DSC1: variants seen among roughly 807,000 people sequenced by gnomAD.
DSC1 encodes desmocollin-1.
A neutral mutation model predicts 98.8 loss-of-function variants in DSC1; 79 were observed. The ratio of observed to expected loss-of-function variants is 0.80; its 90% CI spans 0.67 to 0.96. The LOEUF is 0.96. DSC1 is among the 50% of genes least tolerant of loss of function. The probability of loss-of-function intolerance (pLI) is 0.00; values close to 1 mark genes in which losing one functional copy is unlikely to be tolerated. For synonymous variants in DSC1, 405 were observed against 372.1 expected (o/e 1.09, Z -1.02); for missense variants, 1,115 against 1,075.9 (o/e 1.04, Z -0.51).
chr18:31,142,169 C>T lies in DSC1; in HGVS notation c.1090G>A (p.Glu364Lys), dbSNP rs768858954. The T allele has an allele frequency of 1.2e-6, 2 of 1,611,986 alleles. No individual in the cohort carries two copies. Among genetic ancestry groups the T allele is most frequent in the African/African-American group, 1.3e-5 (1 of 74,790 alleles). Residue 364 changes from glutamate to lysine, a missense_variant, in exon 9 of 16, where the codon GAA (glutamate) becomes AAA (lysine). By Grantham distance (56) the Glu-to-Lys change is moderately conservative (BLOSUM62 1). Coordinates refer to ENST00000257198, the MANE Select transcript of DSC1 (RefSeq NM_024421.2). Reference protein sequence around the residue: ...FTETSYVTEVEENRIDVEILR... With the variant: ...FTETSYVTEVKENRIDVEILR... Reference sequence around the variant, plus strand: ...ATCTCCACGTCAATTCTGTTTTCTTCTACTTCTGTAACATACTGAAAGAAT... The same window carrying T: ...ATCTCCACGTCAATTCTGTTTTCTTTTACTTCTGTAACATACTGAAAGAAT...
At chr18:31,145,926 C>G (rs1274004874) in intron 6 of DSC1, 149 bp from the exon 7 acceptor site, 4 of 871,086 alleles carry the variant, frequency 4.6e-6, no homozygotes, top group Non-Finnish European at 6.9e-6. Flanking sequence ...TGAAACTGTT[C>G]TAAATGTCTC....
chr18:31,155,046 TTTC>T, intron 4 of DSC1, 117 bp from the exon 5 acceptor site: 1 of 1,223,176 alleles, frequency 8.2e-7, no homozygotes, highest in Non-Finnish European at 1.1e-6. Context: ...CTATTCTTTC[TTTC>T]TTCTGCTTAG....
At chr18:31,162,421 T>G (rs189947592) in intron 1 of DSC1, 111 bp downstream of exon 1, 1 of 1,000,690 alleles carries the variant, frequency 1.0e-6, no homozygotes, top group East Asian at 2.4e-5. Flanking sequence ...TTTTCCCCAA[T>G]CTCTCTTCTC....
At position 31,129,946 on chromosome 18, in the gene DSC1, A is replaced by T. The variant is rs534412579; in HGVS notation, c.*568T>A. 6.5e-6 allele frequency: 1 copy of T among 152,850 alleles called. No individual in the cohort carries two copies. The highest frequency in any genetic ancestry group is 2.4e-5 in the African/African-American group (1 of 41,578). 9.5% of individuals were successfully genotyped at this position (152,850 alleles called of 1,614,324 possible). ...GCTCTGAAGGATCCTGAAAGAAAACAATGCTGGGAGCACTGCTCTGAGGAG... is the reference window on the plus strand; with the variant it reads ...GCTCTGAAGGATCCTGAAAGAAAACTATGCTGGGAGCACTGCTCTGAGGAG... On this transcript the variant is annotated 3_prime_UTR_variant, in exon 16 of 16. Transcript: ENST00000257198.
intron 11 of DSC1, among the ~76,000 whole-genome samples, chr18:31,136,794 G>T (rs935900558): frequency 1.3e-5 from 2 of 152,150 alleles, no homozygotes; most frequent in African/African-American, 2.4e-5. Context: ...CAGGCCACAG[G>T]TTGGACAAGC....
At chr18:31,152,440 T>G (rs924233476) in intron 5 of DSC1, among the ~76,000 whole-genome samples, 1 of 152,184 alleles carries the variant, frequency 6.6e-6, no homozygotes, top group African/African-American at 2.4e-5. Context: ...ATAAAAATAA[T>G]CTATTATTAA....
rs746783977 is a variant in DSC1 at position 31,162,562 on chromosome 18, G to A, written c.33C>T (p.Ile11=). The A allele has an allele frequency of 1.2e-6, 2 of 1,614,168 alleles. No individual in the cohort carries two copies. The highest frequency in any genetic ancestry group is 2.2e-5 in the South Asian group (2 of 91,082). The change falls in exon 1 of 16, where the codon ATC becomes ATT. Residue 11 remains isoleucine, a synonymous_variant. Coordinates refer to ENST00000257198, the MANE Select transcript of DSC1 (RefSeq NM_024421.2). ...GAGAGAAAAGGAGCTGCTTACAGAA[G>A]ATGCTCCCTGGGGCAGCAGAGGCCA... The part of the protein sequence containing the change: MALASAAPGS[I]FCKQLLFSLL...
At position 31,139,756 on chromosome 18, in the gene DSC1, A is replaced by T. The variant is rs764323087; in HGVS notation, c.1655T>A (p.Val552Glu). ...TAGAAAATGGCACTCACCTGCATCC[A>T]CTGCAACAACTGAAATATTGTATTG... ...NNQYNISVVA[V>E]DAVGRSCTGT... The change falls in exon 11 of 16, where the codon GTG (valine) becomes GAG (glutamate). Residue 552 changes from valine (V) to glutamate (E), a missense_variant. Coordinates refer to ENST00000257198, the MANE Select transcript of DSC1 (RefSeq NM_024421.2). 10 of 1,599,586 alleles carry T rather than the reference A, an allele frequency of 6.3e-6. No homozygotes were observed. Among genetic ancestry groups the T allele is most frequent in the Non-Finnish European group, 8.5e-7 (1 of 1,174,988 alleles).
intron 9 of DSC1, among the ~76,000 whole-genome samples, chr18:31,141,254 A>T (rs1220738521): frequency 6.6e-6 from 1 of 152,226 alleles, no homozygotes; most frequent in Non-Finnish European, 1.5e-5. Flanking sequence ...GAACAAGAAA[A>T]GAAAAAGAAA....
At chr18:31,135,498 C>T (rs1988591966) in intron 11 of DSC1, among the ~76,000 whole-genome samples, 1 of 152,134 alleles carries the variant, frequency 6.6e-6, no homozygotes, top group African/African-American at 2.4e-5. Flanking sequence ...CTAACTATAA[C>T]TTAATACTGA....
chr18:31,134,178 C>CAGA (rs1988557436), intron 12 of DSC1, 48 bp from the exon 13 acceptor site: 1 of 1,564,720 alleles, frequency 6.4e-7, no homozygotes, highest in Non-Finnish European at 8.6e-7. Flanking sequence ...GTTTAGATGG[C>CAGA]AGTATTATTC....
chr18:31,133,191 T>C (rs923634837), intron 13 of DSC1, among the ~76,000 whole-genome samples: 4 of 151,940 alleles, frequency 2.6e-5, no homozygotes, highest in African/African-American at 7.3e-5. Context: ...GAAAAGTTTG[T>C]AAATGCAAAT....
chr18:31,152,687 A>G (rs970124391), intron 5 of DSC1, among the ~76,000 whole-genome samples: 1 of 152,068 alleles, frequency 6.6e-6, no homozygotes, highest in Admixed American at 6.5e-5. Flanking sequence ...AAGAAAGCGA[A>G]CTCTAGGAGG....
At position 31,140,316 on chromosome 18, in the gene DSC1, T is replaced by C; in HGVS notation, c.1261-15A>G. ...TAGTTCAATGGCTGTTAAATAAGCA[T>C]ACTTTAATAAGTCAATATATAACAT... On this transcript the variant is annotated splice_polypyrimidine_tract_variant and intron_variant, in intron 9 of 15. Coordinates refer to ENST00000257198, the MANE Select transcript of DSC1 (RefSeq NM_024421.2). 1 of 1,612,464 alleles carries C rather than the reference T, an allele frequency of 6.2e-7. No individual in the cohort carries two copies. Among genetic ancestry groups the C allele is most frequent in the Non-Finnish European group, 8.5e-7 (1 of 1,178,894 alleles).
rs184962219 is a variant in DSC1, at chr18:31,150,584, C to T, written c.628-1942G>A. ...CCACCACCGTCATCATCATCGCCAC[C>T]GTCACCACCACCACTATCATCAGCA... On this transcript the variant is annotated intron_variant, in intron 5 of 15. Transcript: ENST00000257198. Among the ~76,000 whole-genome samples the T allele has an allele frequency of 5.9e-3, 893 of 151,978 alleles. 13 individuals carry two copies. Among genetic ancestry groups the T allele is most frequent in the African/African-American group, 0.02 (837 of 41,428 alleles).
At chr18:31,138,617 TAAA>T (rs35838282) in intron 11 of DSC1, among the ~76,000 whole-genome samples, 6 of 149,098 alleles carry the variant, frequency 4.0e-5, no homozygotes, top group African/African-American at 1.2e-4. Context: ...ATTTTGTTAT[TAAA>T]AAAAAAAACA....
chr18:31,160,691 A>G (rs1050986954), intron 1 of DSC1, among the ~76,000 whole-genome samples: 3 of 152,200 alleles, frequency 2.0e-5, no homozygotes, highest in African/African-American at 7.2e-5. Flanking sequence ...GTTCATCCCT[A>G]ATGCCAAGGA....
At chr18:31,131,947 C>T in intron 14 of DSC1, 105 bp from the exon 15 acceptor site, 2 of 1,297,290 alleles carry the variant, frequency 1.5e-6, no homozygotes, top group Non-Finnish European at 2.1e-6. Context: ...CTGTGCCTCT[C>T]TGTTCCTCAT....
At position 31,154,756 on chromosome 18, in the gene DSC1, A is replaced by C. The variant is rs1568004454; in HGVS notation, c.627+18T>G. The C allele has an allele frequency of 6.4e-7, 1 of 1,572,838 alleles. No homozygotes were observed. The highest frequency in any genetic ancestry group is 1.9e-5 in the Admixed American group (1 of 53,840). On this transcript the variant is annotated intron_variant, in intron 5 of 15. Transcript: ENST00000257198. Reference sequence around the variant, plus strand: ...GTAATAAAGATATAATTATGAATAAATATTTCAATAATCCTACCGCAAACT... The same window carrying C: ...GTAATAAAGATATAATTATGAATAACTATTTCAATAATCCTACCGCAAACT...
Sources: allele counts gnomAD v4.1 joint callset (sites outside exome capture counted in the v4.1 genomes callset), GRCh38; gene constraint gnomAD v4.1.1; transcripts MANE v1.5; gene names NCBI Gene and HGNC (gene_info 2026-07-23, HGNC 2026-07-21).